The following SFMBT2 variants were observed in gnomAD, a reference collection of about 807,000 sequenced individuals.
SFMBT2 encodes the protein scm-like with four MBT domains protein 2.
In SFMBT2, 38 loss-of-function variants were observed where a neutral mutation model predicts 110.1. The observed-to-expected ratio is 0.35, with a 90% CI of 0.27 to 0.45. The LOEUF is 0.45. SFMBT2 is among the 20% of genes least tolerant of loss of function. SFMBT2 has a pLI of 1.00. For synonymous variants in SFMBT2, 425 were observed against 425.4 expected (o/e 1.00, Z 0.01); for missense variants, 1,011 against 1,094.9 (o/e 0.92, Z 1.08).
Position 7,220,014 on chromosome 10 carries a change from C to T in SFMBT2, c.1330+397G>A, listed in dbSNP as rs151003335. ...ATTTTGAGGAAGAATTAAACAACTA[C>T]GAAAGAAATCAAAGTAAAGGATATA... On this transcript the variant is annotated intron_variant, in intron 11 of 20. Transcript: ENST00000397167. Among the ~76,000 whole-genome samples, 151 of 152,184 alleles carry T rather than the reference C, an allele frequency of 9.9e-4. 1 individual carries two copies. The highest frequency in any genetic ancestry group is 3.5e-3 in the African/African-American group (144 of 41,514).
intron 20 of SFMBT2, among the ~76,000 whole-genome samples, chr10:7,167,122 T>TA (rs1396932106): frequency 1.3e-5 from 2 of 152,062 alleles, no homozygotes; most frequent in African/African-American, 4.8e-5. Flanking sequence ...CTAATGGAGG[T>TA]ATTGAGATCT....
At chr10:7,405,648 T>C (rs1564478693) in intron 1 of SFMBT2, among the ~76,000 whole-genome samples, 1 of 152,166 alleles carries the variant, frequency 6.6e-6, no homozygotes, top group Admixed American at 6.5e-5. Context: ...TCTGCATAGA[T>C]GTACTGAATC....
At chr10:7,373,084 AG>A (rs1273763154) in intron 2 of SFMBT2, among the ~76,000 whole-genome samples, 1 of 152,226 alleles carries the variant, frequency 6.6e-6, no homozygotes, top group Non-Finnish European at 1.5e-5. Context: ...CTGGGAGCTG[AG>A]GTCTAGCAGG....
chr10:7,370,164 G>T, intron 3 of SFMBT2, 117 bp downstream of exon 3: 2 of 850,538 alleles, frequency 2.4e-6, no homozygotes, highest in Non-Finnish European at 3.8e-6. Flanking sequence ...ACCATGCCTG[G>T]CCACGAATTT....
rs892269166 is a variant in SFMBT2 at position 7,301,488 on chromosome 10, G to C, written c.437-15534C>G. Among the ~76,000 whole-genome samples, 5 of 152,200 alleles carry C rather than the reference G, an allele frequency of 3.3e-5. No individual in the cohort carries two copies. The highest frequency in any genetic ancestry group is 2.6e-4 in the Admixed American group (4 of 15,288). Reference sequence around the variant, plus strand: ...GCACGGAGGCCCACAGGCCTGAAGGGGCCTGGGCTGTATCTGCACACTCAG... The same window carrying C: ...GCACGGAGGCCCACAGGCCTGAAGGCGCCTGGGCTGTATCTGCACACTCAG... On this transcript the variant is annotated intron_variant, in intron 4 of 20. Coordinates refer to ENST00000397167, the MANE Select transcript of SFMBT2 (RefSeq NM_001387889.1). The surrounding 1 kb of genome is among the most constrained non-coding windows in gnomAD (Gnocchi z 4.2).
rs1333581838 is a variant in SFMBT2 at position 7,410,927 on chromosome 10, C to G, written c.-118G>C. ...GGTCGCCGCCCGGGAGGGCACCGGC[C>G]TCGCTCGCTTGCTCGCTCGCCCGCC... On this transcript the variant is annotated 5_prime_UTR_variant, in exon 1 of 21. Coordinates refer to ENST00000397167, the MANE Select transcript of SFMBT2 (RefSeq NM_001387889.1). 6.6e-6 allele frequency among the ~76,000 whole-genome samples: 1 copy of G among 151,618 alleles called. No homozygotes were observed. The highest frequency in any genetic ancestry group is 1.5e-5 in the Non-Finnish European group (1 of 67,856).
chr10:7,342,681 G>A (rs1444688007), intron 4 of SFMBT2, among the ~76,000 whole-genome samples: 1 of 152,074 alleles, frequency 6.6e-6, no homozygotes, highest in African/African-American at 2.4e-5. Context: ...ACAGGCGTGA[G>A]CCACCACGCC....
At chr10:7,288,694 G>A (rs904831338) in intron 4 of SFMBT2, among the ~76,000 whole-genome samples, 1 of 152,006 alleles carries the variant, frequency 6.6e-6, no homozygotes, top group Non-Finnish European at 1.5e-5. Context: ...ATGCTAACAG[G>A]TGCTTCTTCG....
At chr10:7,409,546 C>A (rs980075111) in intron 1 of SFMBT2, among the ~76,000 whole-genome samples, 4 of 152,084 alleles carry the variant, frequency 2.6e-5, no homozygotes, top group Non-Finnish European at 5.9e-5. Context: ...CACAGGCACA[C>A]ACGACAGTTG....
At chr10:7,313,406 C>A (rs1178590334) in intron 4 of SFMBT2, among the ~76,000 whole-genome samples, 1 of 152,132 alleles carries the variant, frequency 6.6e-6, no homozygotes, top group Non-Finnish European at 1.5e-5. Flanking sequence ...CAGCCTTGAC[C>A]TCCTAGGCTC....
chr10:7,360,031 A>T (rs1844662814), intron 4 of SFMBT2, among the ~76,000 whole-genome samples: 1 of 152,238 alleles, frequency 6.6e-6, no homozygotes, highest in South Asian at 2.1e-4. Context: ...CCACTTCAAA[A>T]GGATGTTCTG....
At chr10:7,398,721 C>T (rs990639549) in intron 1 of SFMBT2, among the ~76,000 whole-genome samples, 1 of 152,128 alleles carries the variant, frequency 6.6e-6, no homozygotes, top group African/African-American at 2.4e-5. Context: ...ATTTCTCTGT[C>T]CCTTATAAAT....
At position 7,336,972 on chromosome 10, in the gene SFMBT2, C is replaced by T. The variant is rs149573096; in HGVS notation, c.436+30677G>A. Among the ~76,000 whole-genome samples, 889 of 152,302 alleles carry T rather than the reference C, an allele frequency of 5.8e-3. 6 individuals are homozygous for T. The highest frequency in any genetic ancestry group is 0.019 in the African/African-American group (810 of 41,568). ...ACGTACCATTAGACCCAACTATTTACAGTATCAACTGTTGGAGTACTTTCT... is the reference window on the plus strand; with the variant it reads ...ACGTACCATTAGACCCAACTATTTATAGTATCAACTGTTGGAGTACTTTCT... On this transcript the variant is annotated intron_variant, in intron 4 of 20. Transcript: ENST00000397167.
chr10:7,308,170 C>T (rs139881775), intron 4 of SFMBT2, among the ~76,000 whole-genome samples: 352 of 152,240 alleles, frequency 2.3e-3, no homozygotes, highest in Middle Eastern at 0.017. Flanking sequence ...GCCCAGGCAA[C>T]AGAGCAAGAC....
chr10:7,348,420 C>T (rs1221530810), intron 4 of SFMBT2: 3 of 1,143,336 alleles, frequency 2.6e-6, no homozygotes, highest in East Asian at 5.7e-5. Flanking sequence ...TTCATAACTA[C>T]TGTGTAAATA....
At chr10:7,339,199 C>T (rs1431881557) in intron 4 of SFMBT2, among the ~76,000 whole-genome samples, 1 of 152,080 alleles carries the variant, frequency 6.6e-6, no homozygotes, top group Non-Finnish European at 1.5e-5. Flanking sequence ...GAGATCACGC[C>T]ACTGCACTCC....
chr10:7,187,692 T>G (rs1308355338), intron 16 of SFMBT2, among the ~76,000 whole-genome samples: 1 of 152,234 alleles, frequency 6.6e-6, no homozygotes, highest in Non-Finnish European at 1.5e-5. Context: ...ACAGTACTAG[T>G]ATAAGTTAAC....
intron 7 of SFMBT2, among the ~76,000 whole-genome samples, chr10:7,256,289 T>C (rs1841004978): frequency 6.6e-6 from 1 of 152,210 alleles, no homozygotes; most frequent in African/African-American, 2.4e-5. Context: ...AAAAAATCAA[T>C]AATTAGTACA....
At chr10:7,379,837 G>A (rs1027009855) in intron 2 of SFMBT2, among the ~76,000 whole-genome samples, 3 of 152,232 alleles carry the variant, frequency 2.0e-5, no homozygotes, top group Non-Finnish European at 2.9e-5. Flanking sequence ...AATGATTCTC[G>A]CTCTCACACT....
Sources: gnomAD v4.1 joint callset for allele counts (sites outside exome capture counted in the v4.1 genomes callset) on GRCh38, gnomAD v4.1.1 for gene constraint, Gnocchi (gnomAD v3.1) non-coding constraint, MANE v1.5 for transcripts, NCBI Gene and HGNC (gene_info 2026-07-23, HGNC 2026-07-21) for gene names.